Variants in UNKL observed in about 807,000 individuals in gnomAD.
The protein encoded by UNKL is putative E3 ubiquitin-protein ligase UNKL.
UNKL carries 60 observed loss-of-function variants against 78.0 expected under a neutral mutation model. That is an observed-to-expected ratio of 0.77 (90% confidence interval 0.63 to 0.95). The LOEUF is 0.95. UNKL is among the 40% of genes least tolerant of loss of function. The pLI, the probability that UNKL is intolerant of heterozygous loss-of-function variation, is 0.00. For missense variants in UNKL, 1,159 were observed against 1,045.7 expected, an observed-to-expected ratio of 1.11 and a Z score of -1.49; for synonymous variants, 608 against 474.8, an observed-to-expected ratio of 1.28 and a Z score of -3.65.
At chr16:1,391,615 G>A (rs1003028654) in intron 8 of UNKL, among the ~76,000 whole-genome samples, 5 of 151,628 alleles carry the variant, frequency 3.3e-5, no homozygotes, top group East Asian at 2.0e-4. Context: ...GCCAAATCTC[G>A]AAGGTCTCAT....
chr16:1,372,716 G>C (rs1054168924), intron 10 of UNKL, among the ~76,000 whole-genome samples: 1 of 152,216 alleles, frequency 6.6e-6, no homozygotes, highest in African/African-American at 2.4e-5. Context: ...GCAGACCAGA[G>C]GACCGCAGCG....
intron 8 of UNKL, among the ~76,000 whole-genome samples, chr16:1,391,194 C>A (rs992693505): frequency 1.6e-5 from 2 of 122,414 alleles, no homozygotes; most frequent in African/African-American, 6.1e-5. Flanking sequence ...CACACACACA[C>A]AATATATATG....
intron 2 of UNKL, among the ~76,000 whole-genome samples, chr16:1,411,432 T>C (rs1246473255): frequency 1.3e-5 from 2 of 152,126 alleles, no homozygotes; most frequent in Non-Finnish European, 2.9e-5. Context: ...CTCAGGAGGC[T>C]GAGGCAGGAA....
chr16:1,413,910 A>G lies in UNKL; in HGVS notation c.223T>C (p.Tyr75His). The G allele has an allele frequency of 6.4e-7, 1 of 1,558,824 alleles. No homozygotes were observed. Among genetic ancestry groups the G allele is most frequent in the Non-Finnish European group, 8.7e-7 (1 of 1,151,534 alleles). Residue 75 changes from tyrosine (Y) to histidine (H), a missense_variant, in exon 2 of 15, where the codon TAC becomes CAC. Coordinates refer to ENST00000389221, the MANE Select transcript of UNKL (RefSeq NM_001372107.1). Reference sequence around the variant, plus strand: ...TTGGAGCAGTACACGTCGGGGCTGTAGTTGAAGGTGCCGTCGCGCCTGCGG... The same window carrying G: ...TTGGAGCAGTACACGTCGGGGCTGTGGTTGAAGGTGCCGTCGCGCCTGCGG... ...PLRRRDGTFNYSPDVYCSKYN... is the reference protein window; with the variant it reads ...PLRRRDGTFNHSPDVYCSKYN...
At chr16:1,411,124 G>A (rs1455761536) in intron 2 of UNKL, among the ~76,000 whole-genome samples, 1 of 152,120 alleles carries the variant, frequency 6.6e-6, no homozygotes, top group Non-Finnish European at 1.5e-5. Flanking sequence ...GCTGCGGTGG[G>A]AGGATCTCTT....
chr16:1,388,791 C>T (rs2036923231), intron 9 of UNKL, among the ~76,000 whole-genome samples: 1 of 152,020 alleles, frequency 6.6e-6, no homozygotes, highest in Non-Finnish European at 1.5e-5. Flanking sequence ...CCGTTCACAC[C>T]ATGAGGACAC....
chr16:1,372,247 G>A (rs940301360), intron 10 of UNKL, among the ~76,000 whole-genome samples: 1 of 151,976 alleles, frequency 6.6e-6, no homozygotes, highest in African/African-American at 2.4e-5. Context: ...CTGGACGACA[G>A]AGCAAGATTC....
intron 7 of UNKL, 36 bp downstream of exon 7, chr16:1,394,092 ACCT>A (rs1483717830): frequency 6.5e-7 from 1 of 1,540,652 alleles, no homozygotes; most frequent in African/African-American, 1.4e-5. Context: ...GAGCCGCGGA[ACCT>A]GCTAAGGTGA....
intron 2 of UNKL, among the ~76,000 whole-genome samples, chr16:1,410,516 A>T (rs2037990764): frequency 6.6e-6 from 1 of 152,088 alleles, no homozygotes; most frequent in South Asian, 2.1e-4. Flanking sequence ...CTGAGGCAGG[A>T]GAATCGCTTG....
intron 4 of UNKL, 32 bp downstream of exon 4, chr16:1,401,534 CCA>C (rs751790540): frequency 8.6e-5 from 121 of 1,409,394 alleles, no homozygotes; most frequent in South Asian, 1.6e-4. Context: ...CCCGCCCCCC[CCA>C]CCACCGCCCT....
chr16:1,399,708 G>A lies in UNKL; in HGVS notation c.599-199C>T, dbSNP rs537982429. 2.6e-5 allele frequency among the ~76,000 whole-genome samples: 4 copies of A among 152,306 alleles called. No individual in the cohort carries two copies. In the South Asian group the frequency reaches 6.2e-4, roughly 24 times the overall value. ...GAGGGAAGCCGGGCCAGAAGGCCAC[G>A]TGGTGTGATTCTGTTTATGTGAAAA... On this transcript the variant is annotated intron_variant, in intron 4 of 14. Coordinates refer to ENST00000389221, the MANE Select transcript of UNKL (RefSeq NM_001372107.1). The surrounding 1 kb of genome is among the most constrained non-coding windows in gnomAD (Gnocchi z 5.8).
In UNKL at chr16:1,387,645, C is replaced by G. The variant is rs1013175847; in HGVS notation, c.1087-2260G>C. On this transcript the variant is annotated intron_variant, in intron 9 of 14. Transcript: ENST00000389221. The surrounding 1 kb of genome is among the most constrained non-coding windows in gnomAD (Gnocchi z 4.1). The stretch of plus-strand genomic sequence containing the variant: ...ACGTGGGGCGGTCTGCTGAGCTCAC[C>G]GCATCCAGCAGCTATCACTCAGAAC... 2.6e-5 allele frequency among the ~76,000 whole-genome samples: 4 copies of G among 152,152 alleles called. No homozygotes were observed. The highest frequency in any genetic ancestry group is 9.7e-5 in the African/African-American group (4 of 41,420).
intron 10 of UNKL, among the ~76,000 whole-genome samples, chr16:1,372,066 C>G (rs545336609): frequency 5.3e-5 from 8 of 149,990 alleles, no homozygotes; most frequent in African/African-American, 2.0e-4. Flanking sequence ...ACCATCCTGG[C>G]TAACACGGTG....
At position 1,399,138 on chromosome 16, in the gene UNKL, A is replaced by G; in HGVS notation, c.734+236T>C. The G allele has an allele frequency of 8.8e-7, 1 of 1,136,484 alleles. No individual in the cohort carries two copies. Among genetic ancestry groups the G allele is most frequent in the Non-Finnish European group, 1.2e-6 (1 of 830,604 alleles). The allele number at this position is 1,136,484 out of a possible 1,614,324, so 70.4% of individuals were successfully genotyped here. On this transcript the variant is annotated intron_variant, in intron 5 of 14. Coordinates refer to ENST00000389221, the MANE Select transcript of UNKL (RefSeq NM_001372107.1). This position sits in a 1 kb window ranked among gnomAD's most constrained non-coding sequence, Gnocchi z 5.8. ...CCTTGCCTGGCAGAGGGGCCCCGGT[A>G]GGGGACTGCATGGGAGACACTGAGC...
rs1332831575 is a variant in UNKL, at chr16:1,364,785, G to A, written c.*1455C>T. 6 of 152,250 alleles carry A rather than the reference G, an allele frequency of 3.9e-5. No homozygotes were observed. The East Asian group carries it at 7.7e-4, about 20-fold the overall frequency. 9.4% of individuals were successfully genotyped at this position (152,250 alleles called of 1,614,324 possible). A position where few individuals can be genotyped will look rare whatever the true frequency, so the allele number is the denominator to read the frequency against. On this transcript the variant is annotated 3_prime_UTR_variant, in exon 15 of 15. Coordinates refer to ENST00000389221, the MANE Select transcript of UNKL (RefSeq NM_001372107.1). The stretch of plus-strand genomic sequence containing the variant: ...GATGATAACTGGCAGCGCGGGTCAG[G>A]TGACTGCCACATACACCCGGCACCC...
intron 9 of UNKL, among the ~76,000 whole-genome samples, chr16:1,388,006 G>A (rs1001117339): frequency 2.0e-5 from 3 of 152,156 alleles, no homozygotes; most frequent in Admixed American, 2.0e-4. Context: ...CATGACCCCT[G>A]TGGGCGTCTC....
In UNKL at chr16:1,390,789, G is replaced by A; in HGVS notation, c.1024-95C>T. The A allele has an allele frequency of 2.9e-5, 39 of 1,347,916 alleles. No homozygotes were observed. In the South Asian group the frequency reaches 4.3e-4, roughly 15 times the overall value. The allele number at this position is 1,347,916 out of a possible 1,614,324, so 83.5% of individuals were successfully genotyped here. A position where few individuals can be genotyped will look rare whatever the true frequency, so the allele number is the denominator to read the frequency against. On this transcript the variant is annotated intron_variant, in intron 8 of 14. Transcript: ENST00000389221. ...GGCTGGGCACAGTGGCAGCACTTTGGGAGGCTGAGGCGGGCGGATCATCTG... is the reference window on the plus strand; with the variant it reads ...GGCTGGGCACAGTGGCAGCACTTTGAGAGGCTGAGGCGGGCGGATCATCTG...
chr16:1,383,909 G>A (rs1183209760), intron 10 of UNKL: 1 of 362,046 alleles, frequency 2.8e-6, no homozygotes, highest in South Asian at 1.9e-5. Context: ...GAGGATGTAG[G>A]AGAGGAAGGG....
At position 1,397,144 on chromosome 16, in the gene UNKL, C is replaced by T. The variant is rs757048869; in HGVS notation, c.852+34G>A. ...CCACAGCTTCTCTGGGACCTTCCAGCGACCCCTACGCCTGGGGGGTTGGAG... is the reference window on the plus strand; with the variant it reads ...CCACAGCTTCTCTGGGACCTTCCAGTGACCCCTACGCCTGGGGGGTTGGAG... On this transcript the variant is annotated intron_variant, in intron 6 of 14. Coordinates refer to ENST00000389221, the MANE Select transcript of UNKL (RefSeq NM_001372107.1). 8.4e-6 allele frequency: 13 copies of T among 1,539,292 alleles called. No homozygotes were observed. In the East Asian group the frequency reaches 1.5e-4, roughly 17 times the overall value.
Sources: gnomAD v4.1 joint callset for allele counts (sites outside exome capture counted in the v4.1 genomes callset) on GRCh38, gnomAD v4.1.1 for gene constraint, Gnocchi (gnomAD v3.1) non-coding constraint, MANE v1.5 for transcripts, NCBI Gene and HGNC (gene_info 2026-07-23, HGNC 2026-07-21) for gene names.